The following ZFHX3 variants were observed in gnomAD, a reference collection of about 807,000 sequenced individuals.
ZFHX3 encodes zinc finger homeobox 3, also known as zinc finger homeobox protein 3.
ZFHX3 carries 42 observed loss-of-function variants against 279.1 expected under a neutral mutation model. The ratio of observed to expected loss-of-function variants is 0.15; its 90% CI spans 0.12 to 0.19. The LOEUF is 0.19. Among genes scored for constraint, ZFHX3 ranks in the 10% least tolerant of loss-of-function variants. The probability of loss-of-function intolerance (pLI) is 1.00; values close to 1 mark genes in which losing one functional copy is unlikely to be tolerated. For missense variants in ZFHX3, 4,981 were observed against 4,754.0 expected, an observed-to-expected ratio of 1.05 and a Z score of -1.40; for synonymous variants, 2,293 against 1,957.8, an observed-to-expected ratio of 1.17 and a Z score of -4.52.
intron 1 of ZFHX3, among the ~76,000 whole-genome samples, chr16:73,805,717 C>A (rs1013816452): frequency 6.6e-6 from 1 of 152,192 alleles, no homozygotes; most frequent in Admixed American, 6.5e-5. Context: ...AAAATCCCTG[C>A]CCTTCTAGAG....
chr16:73,138,671 C>A (rs1367932327), intron 6 of ZFHX3, among the ~76,000 whole-genome samples: 1 of 151,960 alleles, frequency 6.6e-6, no homozygotes, highest in Non-Finnish European at 1.5e-5. Context: ...AGTTATTGCC[C>A]CCTACTTCTT....
chr16:73,183,356 TA>T (rs948131022), intron 5 of ZFHX3, among the ~76,000 whole-genome samples: 13 of 152,010 alleles, frequency 8.6e-5, no homozygotes, highest in African/African-American at 2.9e-4. Flanking sequence ...AAAATAAAAA[TA>T]AAAAAAGATA....
intron 1 of ZFHX3, chr16:73,808,421 G>A (rs1385383142): frequency 6.6e-6 from 1 of 152,234 alleles, no homozygotes; most frequent in Non-Finnish European, 1.5e-5. Flanking sequence ...GTGTTAGAAA[G>A]CCAGCCTGTA....
intron 3 of ZFHX3, among the ~76,000 whole-genome samples, chr16:72,901,015 T>C (rs541466500): frequency 6.6e-5 from 10 of 152,290 alleles, no homozygotes; most frequent in African/African-American, 2.4e-4. Flanking sequence ...AGAATTCACC[T>C]CCTTAATGAA....
At chr16:72,844,574 T>TG (rs973560569) in intron 4 of ZFHX3, among the ~76,000 whole-genome samples, 16 of 150,674 alleles carry the variant, frequency 1.1e-4, no homozygotes, top group African/African-American at 2.4e-4. Context: ...GGAGTGGTGG[T>TG]GGGGGGGTGG....
At chr16:73,286,396 A>G (rs1194068756) in intron 4 of ZFHX3, among the ~76,000 whole-genome samples, 1 of 152,220 alleles carries the variant, frequency 6.6e-6, no homozygotes, top group East Asian at 1.9e-4. Flanking sequence ...GGCTCTGTGA[A>G]CCCCAGTCAA....
In ZFHX3 at chr16:73,337,892, C is replaced by CCGGG. The variant is rs1555510883; in HGVS notation, c.-1290-19557_-1290-19556insCCCG. ...TCAATAAGTCTTCATCTTCCCTTGG[C>CCGGG]GGGGGGGGGGGTCCTCATCCCCTTT... On this transcript the variant is annotated intron_variant, in intron 3 of 17. Transcript: ENST00000641206. 7.7e-4 allele frequency among the ~76,000 whole-genome samples: 61 copies of CCGGG among 79,216 alleles called. 6 individuals are homozygous for CCGGG. The highest frequency in any genetic ancestry group is 1.5e-3 in the Non-Finnish European group (49 of 33,514). The allele number at this position is 79,216 out of a possible 152,430, so 52.0% of individuals were successfully genotyped here.
chr16:73,356,903 C>A (rs527265916), intron 3 of ZFHX3, among the ~76,000 whole-genome samples: 57 of 150,954 alleles, frequency 3.8e-4, no homozygotes, highest in African/African-American at 1.4e-3. Flanking sequence ...TGCCCAAGAG[C>A]TAACAGGGTG....
intron 2 of ZFHX3, among the ~76,000 whole-genome samples, chr16:73,538,683 T>A (rs2019953007): frequency 6.6e-6 from 1 of 152,140 alleles, no homozygotes; most frequent in African/African-American, 2.4e-5. Context: ...CACATGCCCA[T>A]TGGTTAATAC....
chr16:73,029,067 C>G (rs997990134), intron 1 of ZFHX3, among the ~76,000 whole-genome samples: 1 of 152,144 alleles, frequency 6.6e-6, no homozygotes, highest in Non-Finnish European at 1.5e-5. Flanking sequence ...GCACCTTCCT[C>G]AAGCCCAGCA....
chr16:73,293,986 CAAAAAAAAAAAAAA>C (rs56783722), intron 4 of ZFHX3: 3 of 41,734 alleles, frequency 7.2e-5, no homozygotes, highest in East Asian at 1.7e-3. Flanking sequence ...GTCAATATGC[CAAAAAAAAAAAAAA>C]AAAAAAAAAA....
At chr16:73,013,225 C>T (rs969864995) in intron 1 of ZFHX3, among the ~76,000 whole-genome samples, 1 of 152,230 alleles carries the variant, frequency 6.6e-6, no homozygotes, top group Non-Finnish European at 1.5e-5. Context: ...TGAACCTTTG[C>T]TCTTATTCCC....
upstream of ZFHX3, among the ~76,000 whole-genome samples, chr16:73,051,017 A>G (rs1164491697): frequency 1.3e-5 from 2 of 152,080 alleles, no homozygotes; most frequent in African/African-American, 2.4e-5. Context: ...TTCTCTACAC[A>G]TACACACTTA....
At chr16:73,860,967 T>A (rs1231122898) in intron 1 of ZFHX3, among the ~76,000 whole-genome samples, 1 of 150,992 alleles carries the variant, frequency 6.6e-6, no homozygotes, top group Admixed American at 6.6e-5. Flanking sequence ...ATAACACTGC[T>A]TGTATATTTT....
intron 1 of ZFHX3, among the ~76,000 whole-genome samples, chr16:73,848,666 C>G (rs886954442): frequency 6.6e-6 from 1 of 152,142 alleles, no homozygotes; most frequent in African/African-American, 2.4e-5. Flanking sequence ...ATGTTAGATA[C>G]CATCTAATCA....
At chr16:73,550,780 G>T (rs184880776) in intron 2 of ZFHX3, among the ~76,000 whole-genome samples, 14 of 152,330 alleles carry the variant, frequency 9.2e-5, no homozygotes, top group Admixed American at 4.6e-4. Context: ...AAGTAGAGAA[G>T]AATTCAACAA....
chr16:72,942,502 G>A (rs1261469447), intron 3 of ZFHX3, among the ~76,000 whole-genome samples: 2 of 151,992 alleles, frequency 1.3e-5, no homozygotes, highest in Non-Finnish European at 2.9e-5. Flanking sequence ...AGAATCGGGG[G>A]GATTCGTAAA....
At chr16:73,422,562 T>C (rs2017737652) in intron 3 of ZFHX3, among the ~76,000 whole-genome samples, 1 of 152,170 alleles carries the variant, frequency 6.6e-6, no homozygotes, top group Admixed American at 6.5e-5. Flanking sequence ...AAAGCAACTT[T>C]CCCTTCCAAC....
At chr16:73,199,683 T>C (rs976155597) in intron 5 of ZFHX3, among the ~76,000 whole-genome samples, 1 of 152,212 alleles carries the variant, frequency 6.6e-6, no homozygotes, top group East Asian at 1.9e-4. Context: ...CATTCTTTTC[T>C]GGAATGATGA....
Sources: allele counts gnomAD v4.1 joint callset (sites outside exome capture counted in the v4.1 genomes callset), GRCh38; gene constraint gnomAD v4.1.1; transcripts MANE v1.5; gene names NCBI Gene and HGNC (gene_info 2026-07-23, HGNC 2026-07-21).